PCDH15: variants seen among roughly 807,000 people sequenced by gnomAD.
The protein encoded by PCDH15 is protocadherin related 15.
PCDH15 carries 129 observed loss-of-function variants against 178.5 expected under a neutral mutation model. The ratio of observed to expected loss-of-function variants is 0.72; its 90% CI spans 0.63 to 0.84. The LOEUF is 0.84. Among genes scored for constraint, PCDH15 ranks in the 40% least tolerant of loss-of-function variants. PCDH15 has a pLI of 0.00. For missense variants in PCDH15, 2,230 were observed against 2,099.9 expected, an observed-to-expected ratio of 1.06 and a Z score of -1.21; for synonymous variants, 800 against 732.0, an observed-to-expected ratio of 1.09 and a Z score of -1.50.
chr10:54,235,057 C>T (rs1489141054), intron 9 of PCDH15, among the ~76,000 whole-genome samples: 1 of 152,154 alleles, frequency 6.6e-6, no homozygotes, highest in Non-Finnish European at 1.5e-5. Flanking sequence ...CTGCCTAGAA[C>T]TCTTCCCGGA....
In PCDH15 at chr10:54,409,514, TA is replaced by T. The variant is rs966526785; in HGVS notation, c.158-30573del. On this transcript the variant is annotated intron_variant, in intron 3 of 37. Coordinates refer to ENST00000644397, the MANE Select transcript of PCDH15 (RefSeq NM_001384140.1). ...TTCTTTCCCCAGGGACATATGATAT[TA>T]AAAAAAAGCTACAGGTAGCTGGTCT... Among the ~76,000 whole-genome samples the T allele has an allele frequency of 2.2e-4, 34 of 151,988 alleles. No homozygotes were observed. In the South Asian group the frequency reaches 2.7e-3, roughly 12 times the overall value.
intron 3 of PCDH15, among the ~76,000 whole-genome samples, chr10:54,858,157 T>C (rs1953773917): frequency 6.6e-6 from 1 of 152,212 alleles, no homozygotes; most frequent in East Asian, 1.9e-4. Context: ...GATGTGCTCA[T>C]TCATTATTTG....
intron 1 of PCDH15, among the ~76,000 whole-genome samples, chr10:55,293,472 A>G (rs549899627): frequency 6.6e-6 from 1 of 152,310 alleles, no homozygotes; most frequent in Admixed American, 6.5e-5. Flanking sequence ...AAAATGGGAT[A>G]TTCTTTTCTA....
intron 1 of PCDH15, among the ~76,000 whole-genome samples, chr10:54,737,267 G>A (rs1944244517): frequency 6.6e-6 from 1 of 152,082 alleles, no homozygotes; most frequent in Non-Finnish European, 1.5e-5. Context: ...ACCTGAAGTG[G>A]CACATAAGAG....
intron 2 of PCDH15, among the ~76,000 whole-genome samples, chr10:54,589,542 T>A (rs111831999): frequency 3.3e-5 from 5 of 152,350 alleles, no homozygotes; most frequent in African/African-American, 1.2e-4. Context: ...AATTTTATTG[T>A]TTATCATTTA....
chr10:54,710,431 G>A (rs985386713), intron 1 of PCDH15, among the ~76,000 whole-genome samples: 7 of 151,938 alleles, frequency 4.6e-5, no homozygotes, highest in South Asian at 2.1e-4. Context: ...ATTTCTGAGC[G>A]AAGCATTTCT....
rs374950506 is a variant in PCDH15 at position 54,401,673 on chromosome 10, C to T, written c.158-22731G>A. Among the ~76,000 whole-genome samples, 3 of 151,806 alleles carry T rather than the reference C, an allele frequency of 2.0e-5. No homozygotes were observed. The East Asian group carries it at 5.8e-4, about 29-fold the overall frequency. ...ATCTATATTAATGGATTGTAAAACT[C>T]AGTAGCTTAAGGATGCTAAAATCTC... On this transcript the variant is annotated intron_variant, in intron 3 of 37. Transcript: ENST00000644397.
intron 11 of PCDH15, among the ~76,000 whole-genome samples, chr10:54,193,058 A>G (rs560869507): frequency 1.3e-5 from 2 of 152,306 alleles, no homozygotes; most frequent in East Asian, 1.9e-4. Context: ...CAAACTGCCA[A>G]AAACACTTCA....
At chr10:54,697,515 G>GTGTATATATATATATA (rs1555156234) in intron 1 of PCDH15, among the ~76,000 whole-genome samples, 9 of 143,112 alleles carry the variant, frequency 6.3e-5, no homozygotes, top group African/African-American at 2.4e-4. Flanking sequence ...TGAAATGTGT[G>GTGTATATATATATATA]TATATATATA....
At chr10:55,129,349 A>G (rs184177383) in intron 2 of PCDH15, among the ~76,000 whole-genome samples, 358 of 152,246 alleles carry the variant, frequency 2.4e-3, no homozygotes, top group Admixed American at 3.9e-3. Flanking sequence ...GTCTTTCCCA[A>G]TGCCAGAGAA....
intron 14 of PCDH15, among the ~76,000 whole-genome samples, chr10:54,135,946 A>G (rs2133102562): frequency 6.6e-6 from 1 of 152,330 alleles, no homozygotes; most frequent in African/African-American, 2.4e-5. Context: ...TATATATGAA[A>G]CATACTTTTA....
intron 1 of PCDH15, among the ~76,000 whole-genome samples, chr10:55,266,007 G>A (rs1842284125): frequency 6.6e-6 from 1 of 152,040 alleles, no homozygotes; most frequent in African/African-American, 2.4e-5. Context: ...TAAAGATACG[G>A]CAAAAACAGT....
At chr10:54,150,888 A>T (rs1173400209) in intron 14 of PCDH15, among the ~76,000 whole-genome samples, 1 of 152,158 alleles carries the variant, frequency 6.6e-6, no homozygotes, top group Non-Finnish European at 1.5e-5. Context: ...ATATAATATC[A>T]GCTTATTTCA....
rs1233238392 is a variant in PCDH15 at position 54,939,833 on chromosome 10, C to A, written c.-79-42333G>T. ...ATGGTGCAAGGGGCAAAACAGGTTC[C>A]CTCCAGCCTGTTTTATAAGAGCACT... On this transcript the variant is annotated intron_variant, in intron 2 of 5. Transcript: ENST00000458638. 2.6e-5 allele frequency among the ~76,000 whole-genome samples: 4 copies of A among 152,116 alleles called. No individual in the cohort carries two copies. The South Asian group carries it at 8.3e-4, about 32-fold the overall frequency.
chr10:54,292,494 A>G (rs770699280), intron 8 of PCDH15, among the ~76,000 whole-genome samples: 2 of 152,218 alleles, frequency 1.3e-5, no homozygotes, highest in Non-Finnish European at 2.9e-5. Context: ...AGAGAAAGAA[A>G]TAAAGGACAT....
upstream of PCDH15, among the ~76,000 whole-genome samples, chr10:55,321,636 C>A (rs1001950974): frequency 6.6e-6 from 1 of 152,248 alleles, no homozygotes; most frequent in Admixed American, 6.5e-5. Context: ...AAGGGAACCC[C>A]ATCAGGCTAA....
At chr10:54,111,776 A>G (rs2095027675) in intron 15 of PCDH15, among the ~76,000 whole-genome samples, 1 of 152,068 alleles carries the variant, frequency 6.6e-6, no homozygotes, top group South Asian at 2.1e-4. Context: ...GAACTCCAAA[A>G]TACACCTTTA....
At chr10:54,690,828 G>A (rs746056282) in intron 1 of PCDH15, among the ~76,000 whole-genome samples, 68 of 151,944 alleles carry the variant, frequency 4.5e-4, no homozygotes, top group Non-Finnish European at 7.1e-4. Flanking sequence ...AGTGTCCCTA[G>A]AAAAGCAAGT....
intron 33 of PCDH15, among the ~76,000 whole-genome samples, chr10:53,818,859 A>C (rs532740367): frequency 6.6e-6 from 1 of 152,152 alleles, no homozygotes; most frequent in Non-Finnish European, 1.5e-5. Flanking sequence ...ATAACTTTCT[A>C]AAATCCAACA....
Sources: allele counts gnomAD v4.1 joint callset (sites outside exome capture counted in the v4.1 genomes callset), GRCh38; gene constraint gnomAD v4.1.1; transcripts MANE v1.5; gene names NCBI Gene and HGNC (gene_info 2026-07-23, HGNC 2026-07-21).